TUT4: variants seen among roughly 807,000 people sequenced by gnomAD.
TUT4 encodes the protein terminal uridylyltransferase 4.
In TUT4, 36 loss-of-function variants were observed where a neutral mutation model predicts 192.2. The ratio of observed to expected loss-of-function variants is 0.19; its 90% CI spans 0.14 to 0.25. The LOEUF (loss-of-function observed/expected upper bound fraction) is 0.25, where lower values mean the gene tolerates loss of function less well. Among genes scored for constraint, TUT4 ranks in the 10% least tolerant of loss-of-function variants. The probability of loss-of-function intolerance (pLI) is 1.00; values close to 1 mark genes in which losing one functional copy is unlikely to be tolerated. For synonymous variants in TUT4, 618 were observed against 666.0 expected (o/e 0.93, Z 1.11); for missense variants, 1,493 against 1,957.2 (o/e 0.76, Z 4.47).
chr1:52,440,114 G>A (rs1655056438), intron 24 of TUT4, among the ~76,000 whole-genome samples: 1 of 152,194 alleles, frequency 6.6e-6, no homozygotes, highest in South Asian at 2.1e-4. Context: ...TGAGAAGAGG[G>A]GAAGAGACGG....
intron 3 of TUT4, among the ~76,000 whole-genome samples, chr1:52,511,815 T>G (rs759441237): frequency 1.3e-5 from 2 of 152,230 alleles, no homozygotes; most frequent in African/African-American, 4.8e-5. Context: ...TGAAGGTTTA[T>G]GAGCAGAGAA....
intron 9 of TUT4, among the ~76,000 whole-genome samples, chr1:52,482,643 C>T (rs998294798): frequency 1.3e-5 from 2 of 152,088 alleles, no homozygotes; most frequent in Admixed American, 1.3e-4. Context: ...TTACGTTGCC[C>T]AGGCTGGTCT....
Position 52,475,516 on chromosome 1 carries a change from C to T in TUT4, c.2043G>A (p.Arg681=), listed in dbSNP as rs560723300. 1.9e-6 allele frequency: 3 copies of T among 1,611,970 alleles called. No homozygotes were observed. The highest frequency in any genetic ancestry group is 2.7e-5 in the African/African-American group (2 of 74,972). The change falls in exon 13 of 30, where the codon AGG becomes AGA. Residue 681 remains arginine, a synonymous_variant. Transcript: ENST00000257177. ...IAIEDPFSVK[R]NVARSLNSQL... The stretch of plus-strand genomic sequence containing the variant: ...GGCTGTTTAAGCTCCGTGCAACATT[C>T]CTCTTGACTGAAAATGGATCTAGCA...
intron 4 of TUT4, among the ~76,000 whole-genome samples, chr1:52,501,233 T>C (rs563302061): frequency 6.6e-6 from 1 of 152,236 alleles, no homozygotes; most frequent in East Asian, 1.9e-4. Flanking sequence ...ATCCAGAATA[T>C]ATAAATAATC....
At chr1:52,463,937 A>G (rs1439941237) in intron 16 of TUT4, among the ~76,000 whole-genome samples, 2 of 152,180 alleles carry the variant, frequency 1.3e-5, no homozygotes, top group Non-Finnish European at 2.9e-5. Flanking sequence ...TATTTCAGCT[A>G]CATTATGGGT....
At chr1:52,499,801 C>T (rs902460988) in intron 4 of TUT4, among the ~76,000 whole-genome samples, 5 of 151,552 alleles carry the variant, frequency 3.3e-5, no homozygotes, top group Admixed American at 6.6e-5. Context: ...CCAGGCCAGG[C>T]GTGGTGGCTC....
intron 27 of TUT4, chr1:52,432,477 A>G (rs893842384): frequency 2.6e-5 from 4 of 152,256 alleles, no homozygotes; most frequent in Non-Finnish European, 4.4e-5. Context: ...GGGCAAGACA[A>G]TGAAGTGTCT....
intron 9 of TUT4, among the ~76,000 whole-genome samples, chr1:52,483,601 G>C (rs1217029073): frequency 6.6e-6 from 1 of 152,058 alleles, no homozygotes; most frequent in Non-Finnish European, 1.5e-5. Context: ...CTTAAGGTCA[G>C]GAGTTCGAGA....
intron 15 of TUT4, among the ~76,000 whole-genome samples, chr1:52,465,587 T>C (rs979233788): frequency 6.6e-6 from 1 of 152,248 alleles, no homozygotes; most frequent in Non-Finnish European, 1.5e-5. Context: ...TTTTTCCGAC[T>C]TACATAATAA....
chr1:52,512,898 T>TA (rs71041900), intron 3 of TUT4, among the ~76,000 whole-genome samples: 13,477 of 144,984 alleles, frequency 0.093, 1,959 homozygotes, highest in African/African-American at 0.31. Context: ...CCTGAAGAAA[T>TA]AAAAAAAAAA....
rs761765770 is a variant in TUT4 at position 52,472,267 on chromosome 1, CA to C, written c.2728-166del. On this transcript the variant is annotated intron_variant, in intron 13 of 29. Transcript: ENST00000257177. ...TGTTGTTAAAATGCAGTATTAGCTACAAAAAAGTTTTTTGAGTCAACCACTT... is the reference window on the plus strand; with the variant it reads ...TGTTGTTAAAATGCAGTATTAGCTACAAAAAGTTTTTTGAGTCAACCACTT... Among the ~76,000 whole-genome samples, 230 of 151,324 alleles carry C rather than the reference CA, an allele frequency of 1.5e-3. 1 individual carries two copies. Among genetic ancestry groups the C allele is most frequent in the Middle Eastern group, 6.8e-3 (2 of 294 alleles).
chr1:52,537,275 A>G lies in TUT4; in HGVS notation c.-93-10902T>C, dbSNP rs1685183725. Among the ~76,000 whole-genome samples, 4 of 152,218 alleles carry G rather than the reference A, an allele frequency of 2.6e-5. No individual in the cohort carries two copies. In the South Asian group the frequency reaches 8.3e-4, roughly 31 times the overall value. ...TTTAGATACAAAGAGCAAAGGCGTT[A>G]TAAGAAAAAATGAAAACAGATACTC... On this transcript the variant is annotated intron_variant, in intron 1 of 29. Transcript: ENST00000257177.
intron 18 of TUT4, 78 bp from the exon 19 acceptor site, chr1:52,461,301 C>A: frequency 2.2e-6 from 3 of 1,348,370 alleles, no homozygotes; most frequent in Non-Finnish European, 2.0e-6. Context: ...AAGTAAAATA[C>A]ACTCCAAATA....
intron 16 of TUT4, chr1:52,463,116 T>C (rs1315437062): frequency 1.0e-6 from 1 of 982,942 alleles, no homozygotes; most frequent in Non-Finnish European, 1.2e-6. Context: ...TGAAAGAAAA[T>C]GATTTATTAT....
chr1:52,458,549 G>A, intron 19 of TUT4, 100 bp from the exon 20 acceptor site: 1 of 810,528 alleles, frequency 1.2e-6, no homozygotes, highest in Non-Finnish European at 1.9e-6. Context: ...CCACAGAACT[G>A]GGTTAAACTG....
chr1:52,462,657 A>C, intron 16 of TUT4: 13 of 943,968 alleles, frequency 1.4e-5, no homozygotes, highest in Non-Finnish European at 1.6e-5. Context: ...AATGCCTGGC[A>C]CAAAATAAGC....
At chr1:52,544,771 G>C (rs958580025) in intron 1 of TUT4, among the ~76,000 whole-genome samples, 1 of 152,122 alleles carries the variant, frequency 6.6e-6, no homozygotes, top group Non-Finnish European at 1.5e-5. Flanking sequence ...TAAAATGGTG[G>C]CCAGGCTAGG....
chr1:52,468,170 CTA>C lies in TUT4; in HGVS notation c.2965+9_2965+10del. ...GCAAAAACGCAATAAATTTTTTAAC[CTA>C]TGACATACCATCATATTCTTTTTGA... On this transcript the variant is annotated intron_variant, in intron 15 of 29. Coordinates refer to ENST00000257177, the MANE Select transcript of TUT4 (RefSeq NM_001009881.3). The C allele has an allele frequency of 6.3e-7, 1 of 1,589,248 alleles. No homozygotes were observed. The highest frequency in any genetic ancestry group is 8.6e-7 in the Non-Finnish European group (1 of 1,167,878).
intron 6 of TUT4, among the ~76,000 whole-genome samples, chr1:52,494,412 C>T (rs563623570): frequency 1.3e-5 from 2 of 152,256 alleles, no homozygotes; most frequent in African/African-American, 4.8e-5. Flanking sequence ...AATATTTAGG[C>T]CAGGTGCGGT....
Sources: allele counts gnomAD v4.1 joint callset (sites outside exome capture counted in the v4.1 genomes callset), GRCh38; gene constraint gnomAD v4.1.1; transcripts MANE v1.5; gene names NCBI Gene and HGNC (gene_info 2026-07-23, HGNC 2026-07-21).